The following UHMK1 variants were observed in gnomAD, a reference collection of about 807,000 sequenced individuals.
UHMK1 encodes the protein serine/threonine-protein kinase Kist.
A neutral mutation model predicts 44.0 loss-of-function variants in UHMK1; 18 were observed. That is an observed-to-expected ratio of 0.41 (90% CI 0.28 to 0.61). The LOEUF is 0.61. Ranked by LOEUF, UHMK1 falls within the 20% of genes least tolerant of loss-of-function variation. The probability of loss-of-function intolerance (pLI) is 0.31; values close to 1 mark genes in which losing one functional copy is unlikely to be tolerated. For missense variants in UHMK1, 463 were observed against 522.5 expected, an observed-to-expected ratio of 0.89 and a Z score of 1.11; for synonymous variants, 231 against 198.5, an observed-to-expected ratio of 1.16 and a Z score of -1.38.
chr1:162,519,925 G>T (rs534954803), intron 7 of UHMK1, among the ~76,000 whole-genome samples: 10 of 152,124 alleles, frequency 6.6e-5, no homozygotes, highest in Non-Finnish European at 1.3e-4. Context: ...TTGAGACAGG[G>T]TCTCACTCTG....
At chr1:162,503,635 T>C (rs1190636968) in intron 3 of UHMK1, 119 bp from the exon 4 acceptor site, 4 of 590,662 alleles carry the variant, frequency 6.8e-6, no homozygotes, top group African/African-American at 5.8e-5. Flanking sequence ...AAAAAAAGAT[T>C]GTAGGCTCTC....
In UHMK1 at chr1:162,500,002, T is replaced by A; in HGVS notation, c.316T>A (p.Ser106Thr). The change falls in exon 2 of 8, where the codon TCA (serine) becomes ACA (threonine). Residue 106 changes from serine to threonine, a missense_variant. Physicochemically the swap from Ser to Thr is moderately conservative, Grantham distance 58. Coordinates refer to ENST00000489294, the MANE Select transcript of UHMK1 (RefSeq NM_175866.5). ...FTIHFSPNVP[S>T]RCLLLELLDV... ...AATCCACTTTTCTCCAAATGTGCCA[T>A]CACGCTGTCTGTTGCTTGAACTCCT... is the stretch of plus-strand genomic sequence containing the variant. The A allele has an allele frequency of 6.2e-7, 1 of 1,614,248 alleles. No individual in the cohort carries two copies. The highest frequency in any genetic ancestry group is 1.1e-5 in the South Asian group (1 of 91,088).
At position 162,529,447 on chromosome 1, in the gene UHMK1, G is replaced by A. The variant is rs972904729; in HGVS notation, c.*6897G>A. The A allele has an allele frequency of 2.0e-5, 3 of 152,032 alleles. No homozygotes were observed. Among genetic ancestry groups the A allele is most frequent in the African/African-American group, 4.8e-5 (2 of 41,404 alleles). The allele number at this position is 152,032 out of a possible 1,614,324, so 9.4% of individuals were successfully genotyped here. A position where few individuals can be genotyped will look rare whatever the true frequency, so the allele number is the denominator to read the frequency against. On this transcript the variant is annotated 3_prime_UTR_variant, in exon 8 of 8. Transcript: ENST00000489294. ...TATTCCTAAAAAGTGTGAACAATGCGTTTCAGTTGACTGTATTGCATACTT... is the reference window on the plus strand; with the variant it reads ...TATTCCTAAAAAGTGTGAACAATGCATTTCAGTTGACTGTATTGCATACTT...
chr1:162,511,339 A>G (rs1340038406), intron 4 of UHMK1, among the ~76,000 whole-genome samples: 1 of 122,762 alleles, frequency 8.1e-6, no homozygotes, highest in African/African-American at 3.0e-5. Flanking sequence ...CTAATTTTTA[A>G]ATTTTTTTGT....
chr1:162,512,604 C>A (rs778950523), intron 5 of UHMK1, 28 bp downstream of exon 5: 1 of 1,603,350 alleles, frequency 6.2e-7, no homozygotes, highest in Non-Finnish European at 8.5e-7. Context: ...TTATTTTTTT[C>A]TTGGTCATTT....
chr1:162,519,993 G>A (rs1473018858), intron 7 of UHMK1, among the ~76,000 whole-genome samples: 1 of 152,126 alleles, frequency 6.6e-6, no homozygotes, highest in Non-Finnish European at 1.5e-5. Flanking sequence ...CTACCTTCCA[G>A]GCTCAAGTGA....
At chr1:162,511,038 T>C (rs559456795) in intron 4 of UHMK1, among the ~76,000 whole-genome samples, 1 of 152,130 alleles carries the variant, frequency 6.6e-6, no homozygotes, top group Non-Finnish European at 1.5e-5. Flanking sequence ...TTCCTGTTGA[T>C]TAGCGATATT....
rs571361174 is a variant in UHMK1, at chr1:162,522,723, T to C, written c.*173T>C. On this transcript the variant is annotated 3_prime_UTR_variant, in exon 8 of 8. Coordinates refer to ENST00000489294, the MANE Select transcript of UHMK1 (RefSeq NM_175866.5). ...TGACTGCGTTGCATACATTTGGCAC[T>C]GAGTAGGACAAGACCTCTCAGCTAT... 1.4e-6 allele frequency: 1 copy of C among 712,110 alleles called. No individual in the cohort carries two copies. Among genetic ancestry groups the C allele is most frequent in the Non-Finnish European group, 2.2e-6 (1 of 449,822 alleles). 44.1% of individuals were successfully genotyped at this position (712,110 alleles called of 1,614,324 possible). A position where few individuals can be genotyped will look rare whatever the true frequency, so the allele number is the denominator to read the frequency against.
intron 6 of UHMK1, among the ~76,000 whole-genome samples, chr1:162,513,492 C>T (rs527362344): frequency 5.8e-4 from 88 of 152,162 alleles, no homozygotes; most frequent in African/African-American, 2.0e-3. Flanking sequence ...GTAGGGGATA[C>T]GGCTACATAA....
At position 162,520,455 on chromosome 1, in the gene UHMK1, AAAGTGTGGTGAT is replaced by A. The variant is rs369052376; in HGVS notation, c.1114-1943_1114-1932del. ...TAAAAGTGGTCAAATCAGATTTTTA[AAAGTGTGGTGAT>A]AAGTGCTAGGGAGAAAAACAGATTA... On this transcript the variant is annotated intron_variant, in intron 7 of 7. Transcript: ENST00000489294. Among the ~76,000 whole-genome samples, 1,180 of 152,270 alleles carry A rather than the reference AAAGTGTGGTGAT, an allele frequency of 7.7e-3. 24 individuals are homozygous for A. Among genetic ancestry groups the A allele is most frequent in the African/African-American group, 0.027 (1,129 of 41,548 alleles).
chr1:162,521,891 T>A (rs527348290), intron 7 of UHMK1, among the ~76,000 whole-genome samples: 1 of 152,326 alleles, frequency 6.6e-6, no homozygotes, highest in East Asian at 1.9e-4. Context: ...CCTCCCAAAG[T>A]GCTCAGATTA....
At chr1:162,521,313 T>C (rs1652051213) in intron 7 of UHMK1, among the ~76,000 whole-genome samples, 2 of 152,310 alleles carry the variant, frequency 1.3e-5, no homozygotes, top group East Asian at 3.9e-4. Context: ...ATAGCCTATC[T>C]GAAGCAAGGA....
At position 162,523,822 on chromosome 1, in the gene UHMK1, G is replaced by C. The variant is rs889486862; in HGVS notation, c.*1272G>C. On this transcript the variant is annotated 3_prime_UTR_variant, in exon 8 of 8. Coordinates refer to ENST00000489294, the MANE Select transcript of UHMK1 (RefSeq NM_175866.5). ...TTTTGACTGCAAGGTAGTTAAGAAA[G>C]GTGTAGATATAATGAGGTAGAAGTA... 1 of 152,090 alleles carries C rather than the reference G, an allele frequency of 6.6e-6. No homozygotes were observed. Among genetic ancestry groups the C allele is most frequent in the African/African-American group, 2.4e-5 (1 of 41,422 alleles). The allele number at this position is 152,090 out of a possible 1,614,324, so 9.4% of individuals were successfully genotyped here.
In UHMK1 at chr1:162,514,555, A is replaced by G. The variant is rs1445371016; in HGVS notation, c.1024+1732A>G. On this transcript the variant is annotated intron_variant, in intron 6 of 7. Coordinates refer to ENST00000489294, the MANE Select transcript of UHMK1 (RefSeq NM_175866.5). Reference sequence around the variant, plus strand: ...AATCTGGTTTGTTTTGTTTATTGCTATATTAATAGCACTGACACACAGTAG... The same window carrying G: ...AATCTGGTTTGTTTTGTTTATTGCTGTATTAATAGCACTGACACACAGTAG... Among the ~76,000 whole-genome samples, 10 of 152,180 alleles carry G rather than the reference A, an allele frequency of 6.6e-5. No individual in the cohort carries two copies. In the South Asian group the frequency reaches 1.7e-3, roughly 25 times the overall value.
chr1:162,523,342 T>G lies in UHMK1; in HGVS notation c.*792T>G, dbSNP rs1652127863. 6.6e-6 allele frequency: 1 copy of G among 152,620 alleles called. No individual in the cohort carries two copies. Among genetic ancestry groups the G allele is most frequent in the South Asian group, 2.1e-4 (1 of 4,834 alleles). The allele number at this position is 152,620 out of a possible 1,614,324, so 9.5% of individuals were successfully genotyped here. On this transcript the variant is annotated 3_prime_UTR_variant, in exon 8 of 8. Transcript: ENST00000489294. ...ACATCCGTAAGATTTAAGATATACATTTTTTGAGAGGTAGTCTGTCTGATA... is the reference window on the plus strand; with the variant it reads ...ACATCCGTAAGATTTAAGATATACAGTTTTTGAGAGGTAGTCTGTCTGATA...
chr1:162,508,388 G>A (rs912278353), intron 4 of UHMK1, among the ~76,000 whole-genome samples: 9 of 151,390 alleles, frequency 5.9e-5, no homozygotes, highest in African/African-American at 2.2e-4. Flanking sequence ...CTGGGATTAT[G>A]AGCGTGAGCC....
At chr1:162,498,331 C>G in intron 1 of UHMK1, 63 bp downstream of exon 1, 1 of 1,505,310 alleles carries the variant, frequency 6.6e-7, no homozygotes, top group East Asian at 2.3e-5. Flanking sequence ...CTCTTCCTCT[C>G]GCTGTCTGGC....
At chr1:162,500,364 C>G in intron 2 of UHMK1, 117 bp downstream of exon 2, 1 of 1,194,712 alleles carries the variant, frequency 8.4e-7, no homozygotes, top group South Asian at 1.7e-5. Flanking sequence ...ACCTAAATTA[C>G]TGAAATGCCA....
intron 3 of UHMK1, among the ~76,000 whole-genome samples, chr1:162,503,282 G>C (rs1008700625): frequency 5.3e-5 from 8 of 152,068 alleles, no homozygotes; most frequent in African/African-American, 1.4e-4. Context: ...TTCTCCAGAA[G>C]TGTGTAATTA....
Sources: allele counts gnomAD v4.1 joint callset (sites outside exome capture counted in the v4.1 genomes callset), GRCh38; gene constraint gnomAD v4.1.1; transcripts MANE v1.5; gene names NCBI Gene and HGNC (gene_info 2026-07-23, HGNC 2026-07-21).